Variants in LRRN1 observed in about 807,000 individuals in gnomAD.
LRRN1 encodes leucine rich repeat neuronal 1.
Under a neutral mutation model 45.8 loss-of-function variants are expected in LRRN1, and 14 were observed. That is an observed-to-expected ratio of 0.31 (90% CI 0.20 to 0.48). The LOEUF (loss-of-function observed/expected upper bound fraction) is 0.48, where lower values mean the gene tolerates loss of function less well. LRRN1 is among the 20% of genes least tolerant of loss of function. LRRN1 has a pLI of 0.99. For synonymous variants in LRRN1, 359 were observed against 330.1 expected (o/e 1.09, Z -0.95); for missense variants, 789 against 874.2 (o/e 0.90, Z 1.23).
chr3:3,838,004 C>T (rs1191091819), intron 1 of LRRN1, among the ~76,000 whole-genome samples: 6 of 152,140 alleles, frequency 3.9e-5, no homozygotes, highest in African/African-American at 7.2e-5. Context: ...TCTGTTCCTG[C>T]GTTAGTTTGC....
At chr3:3,817,914 C>A (rs1190495935) in intron 1 of LRRN1, among the ~76,000 whole-genome samples, 1 of 152,166 alleles carries the variant, frequency 6.6e-6, no homozygotes, top group African/African-American at 2.4e-5. Context: ...GGGAGAAAAG[C>A]AAATCTGATG....
rs369713297 is a variant in LRRN1 at position 3,846,114 on chromosome 3, T to A, written c.1473T>A (p.Ile491=). The A allele has an allele frequency of 6.2e-7, 1 of 1,613,874 alleles. No individual in the cohort carries two copies. Among genetic ancestry groups the A allele is most frequent in the Non-Finnish European group, 8.5e-7 (1 of 1,180,014 alleles). Residue 491 remains isoleucine, a synonymous_variant, in exon 2 of 2, where the codon ATT becomes ATA. Transcript: ENST00000319331. The surrounding 1 kb of genome is among the most constrained non-coding windows in gnomAD (Gnocchi z 5.7). ...EGTLEISNIQ[I]EDSGRYTCVA... ...CCTTGGAAATATCTAACATACAAAT[T>A]GAAGACTCAGGAAGATACACATGTG...
chr3:3,804,727 C>A (rs1692720000), intron 1 of LRRN1, among the ~76,000 whole-genome samples: 1 of 152,202 alleles, frequency 6.6e-6, no homozygotes, highest in Non-Finnish European at 1.5e-5. Flanking sequence ...GCTGTCCCCT[C>A]ATTTGTGTAT....
At chr3:3,834,553 T>TATATATATATATATATATGA (rs1553563059) in intron 1 of LRRN1, among the ~76,000 whole-genome samples, 2 of 18,756 alleles carry the variant, frequency 1.1e-4, no homozygotes, top group African/African-American at 2.3e-4. Flanking sequence ...TATATATATA[T>TATATATATATATATATATGA]GATATATATA....
At position 3,847,348 on chromosome 3, in the gene LRRN1, G is replaced by A. The variant is rs1693800635; in HGVS notation, c.*556G>A. ...TAATGTTGTATCAACTGAATTGAATGTTTGCCTTTAAACAATGAATTTTCT... is the reference window on the plus strand; with the variant it reads ...TAATGTTGTATCAACTGAATTGAATATTTGCCTTTAAACAATGAATTTTCT... On this transcript the variant is annotated 3_prime_UTR_variant, in exon 2 of 2. Transcript: ENST00000319331. The A allele has an allele frequency of 6.1e-6, 1 of 163,232 alleles. No homozygotes were observed. Among genetic ancestry groups the A allele is most frequent in the Non-Finnish European group, 1.5e-5 (1 of 67,544 alleles). 10.1% of individuals were successfully genotyped at this position (163,232 alleles called of 1,614,324 possible).
chr3:3,806,131 G>A (rs1692752932), intron 1 of LRRN1, among the ~76,000 whole-genome samples: 1 of 152,138 alleles, frequency 6.6e-6, no homozygotes, highest in East Asian at 1.9e-4. Flanking sequence ...CTAATGGGAT[G>A]CTGCTCAACA....
chr3:3,830,439 A>G (rs1693341635), intron 1 of LRRN1, among the ~76,000 whole-genome samples: 2 of 152,290 alleles, frequency 1.3e-5, no homozygotes, highest in Middle Eastern at 6.8e-3. Flanking sequence ...AGCTCTGCCC[A>G]CTGGGAAGAT....
intron 1 of LRRN1, among the ~76,000 whole-genome samples, chr3:3,834,358 A>ACTAT (rs1693438789): frequency 6.6e-6 from 1 of 150,948 alleles, no homozygotes; most frequent in South Asian, 2.1e-4. Context: ...TGTTCTCCAT[A>ACTAT]CTATTAGAAG....
chr3:3,830,544 C>G (rs972097983), intron 1 of LRRN1, among the ~76,000 whole-genome samples: 1 of 152,162 alleles, frequency 6.6e-6, no homozygotes, highest in Non-Finnish European at 1.5e-5. Flanking sequence ...TGTGCAGAAC[C>G]ATCTGTGAAC....
rs559647508 is a variant in LRRN1 at position 3,832,097 on chromosome 3, G to C, written c.-278-12267G>C. Among the ~76,000 whole-genome samples, 53 of 152,342 alleles carry C rather than the reference G, an allele frequency of 3.5e-4. 1 individual carries two copies. The South Asian group carries it at 0.011, about 32-fold the overall frequency. On this transcript the variant is annotated intron_variant, in intron 1 of 1. Coordinates refer to ENST00000319331, the MANE Select transcript of LRRN1 (RefSeq NM_020873.7). ...TTAGTTAAGCTCATGATAATCTGCT[G>C]TCATTCTCCAAGATGCATCTGTCTT...
chr3:3,807,291 C>G (rs1388303350), intron 1 of LRRN1, among the ~76,000 whole-genome samples: 3 of 152,174 alleles, frequency 2.0e-5, no homozygotes, highest in African/African-American at 4.8e-5. Flanking sequence ...GAAAATGGGA[C>G]AACCCAGAAC....
chr3:3,823,801 T>C lies in LRRN1; in HGVS notation c.-278-20563T>C, dbSNP rs182768814. 3.9e-3 allele frequency among the ~76,000 whole-genome samples: 595 copies of C among 152,206 alleles called. 5 individuals carry two copies. The highest frequency in any genetic ancestry group is 0.014 in the African/African-American group (573 of 41,544). On this transcript the variant is annotated intron_variant, in intron 1 of 1. Transcript: ENST00000319331. ...TTTTTTTTTAAAGCTAAACACAGTTTCTCTTAAAAATCTGGGAGCAAGTGT... is the reference window on the plus strand; with the variant it reads ...TTTTTTTTTAAAGCTAAACACAGTTCCTCTTAAAAATCTGGGAGCAAGTGT...
At chr3:3,825,186 C>G (rs1436436717) in intron 1 of LRRN1, among the ~76,000 whole-genome samples, 1 of 152,146 alleles carries the variant, frequency 6.6e-6, no homozygotes, top group Non-Finnish European at 1.5e-5. Context: ...TCCATCCAGT[C>G]CAGCCTACCC....
chr3:3,847,600 T>A lies in LRRN1; in HGVS notation c.*808T>A, dbSNP rs576768169. On this transcript the variant is annotated 3_prime_UTR_variant, in exon 2 of 2. Coordinates refer to ENST00000319331, the MANE Select transcript of LRRN1 (RefSeq NM_020873.7). ...TGAAGACAGAACTATAATAAATTAGTTTTGTTCTGATTTTTTAGAACACTT... is the reference window on the plus strand; with the variant it reads ...TGAAGACAGAACTATAATAAATTAGATTTGTTCTGATTTTTTAGAACACTT... The A allele has an allele frequency of 2.3e-4, 39 of 167,160 alleles. No individual in the cohort carries two copies. Among genetic ancestry groups the A allele is most frequent in the Non-Finnish European group, 4.7e-4 (32 of 68,098 alleles). The allele number at this position is 167,160 out of a possible 1,614,324, so 10.4% of individuals were successfully genotyped here.
intron 1 of LRRN1, among the ~76,000 whole-genome samples, chr3:3,824,593 C>T (rs1487445538): frequency 6.6e-6 from 1 of 152,040 alleles, no homozygotes; most frequent in East Asian, 1.9e-4. Flanking sequence ...TCTGTACAAC[C>T]CCCAACCTAC....
At chr3:3,825,247 G>A (rs1041571352) in intron 1 of LRRN1, among the ~76,000 whole-genome samples, 3 of 152,176 alleles carry the variant, frequency 2.0e-5, no homozygotes, top group Non-Finnish European at 4.4e-5. Flanking sequence ...TGCCATCCAT[G>A]CCCAGTTCCT....
chr3:3,833,621 C>T (rs954623846), intron 1 of LRRN1, among the ~76,000 whole-genome samples: 2 of 152,148 alleles, frequency 1.3e-5, no homozygotes, highest in South Asian at 4.1e-4. Context: ...AGTTATAGGT[C>T]TAGAAGCAAA....
rs1042367327 is a variant in LRRN1 at position 3,849,730 on chromosome 3, G to T, written c.*2938G>T. 3.9e-5 allele frequency among the ~76,000 whole-genome samples: 6 copies of T among 152,134 alleles called. No homozygotes were observed. Among genetic ancestry groups the T allele is most frequent in the African/African-American group, 1.4e-4 (6 of 41,416 alleles). ...AATGAAAAATTGAACTGATGCCATG[G>T]ATATAAAAACAAATGTAATGTTTGA... On this transcript the variant is annotated 3_prime_UTR_variant, in exon 2 of 2. Coordinates refer to ENST00000319331, the MANE Select transcript of LRRN1 (RefSeq NM_020873.7).
chr3:3,824,607 A>T (rs1211446824), intron 1 of LRRN1, among the ~76,000 whole-genome samples: 1 of 152,152 alleles, frequency 6.6e-6, no homozygotes, highest in South Asian at 2.1e-4. Context: ...AACCTACCTA[A>T]GCAAAGGTCA....
Sources: allele counts gnomAD v4.1 joint callset (sites outside exome capture counted in the v4.1 genomes callset), GRCh38; gene constraint gnomAD v4.1.1; non-coding constraint Gnocchi (gnomAD v3.1); transcripts MANE v1.5; gene names NCBI Gene and HGNC (gene_info 2026-07-23, HGNC 2026-07-21).